STARD13: variants seen among roughly 807,000 people sequenced by gnomAD.
STARD13 encodes the protein stAR-related lipid transfer protein 13.
A neutral mutation model predicts 106.4 loss-of-function variants in STARD13; 62 were observed. The ratio of observed to expected loss-of-function variants is 0.58; its 90% CI spans 0.48 to 0.72. STARD13 has a LOEUF of 0.72. Ranked by LOEUF, STARD13 falls within the 30% of genes least tolerant of loss-of-function variation. The probability of loss-of-function intolerance (pLI) is 0.00; values close to 1 mark genes in which losing one functional copy is unlikely to be tolerated. For synonymous variants in STARD13, 565 were observed against 553.0 expected (o/e 1.02, Z -0.31); for missense variants, 1,387 against 1,424.0 (o/e 0.97, Z 0.42).
chr13:33,297,104 C>A (rs1016974310), intron 1 of STARD13, among the ~76,000 whole-genome samples: 1 of 152,328 alleles, frequency 6.6e-6, no homozygotes, highest in South Asian at 2.1e-4. Context: ...GATACAGAGA[C>A]TCCTGAGATT....
chr13:33,612,455 G>T, the STARD13 span, among the ~76,000 whole-genome samples: 4,171 of 152,060 alleles, frequency 0.027, 184 homozygotes, highest in African/African-American at 0.094. Flanking sequence ...CATCAGACAC[G>T]GTGATCCACA....
At position 33,166,792 on chromosome 13, in the gene STARD13, C is replaced by T. The variant is rs144910894; in HGVS notation, c.241+759G>A. 3.1e-3 allele frequency among the ~76,000 whole-genome samples: 470 copies of T among 152,004 alleles called. 4 individuals carry two copies. The highest frequency in any genetic ancestry group is 0.011 in the African/African-American group (444 of 41,462). On this transcript the variant is annotated intron_variant, in intron 2 of 13. Coordinates refer to ENST00000336934, the MANE Select transcript of STARD13 (RefSeq NM_178006.4). ...GGAAAGTCACTTGAGGTCAGGAGTT[C>T]GAGACCAGCCTGACCCACGTGGTGA...
intron 1 of STARD13, chr13:33,186,043 A>C (rs1243783659): frequency 6.2e-7 from 1 of 1,613,948 alleles, no homozygotes; most frequent in South Asian, 1.1e-5. Flanking sequence ...AGAAATTCAG[A>C]GCAAGGAGCA....
the STARD13 span, among the ~76,000 whole-genome samples, chr13:33,601,922 G>C: frequency 6.6e-6 from 1 of 152,088 alleles, no homozygotes; most frequent in African/African-American, 2.4e-5. Context: ...ACTTTCCCCA[G>C]GTTCCTTTCA....
intron 1 of STARD13, among the ~76,000 whole-genome samples, chr13:33,338,149 G>A (rs1332001485): frequency 6.6e-6 from 1 of 152,158 alleles, no homozygotes; most frequent in Non-Finnish European, 1.5e-5. Context: ...AAGCTTCATG[G>A]GAGTGACACT....
chr13:33,168,081 A>G (rs957617148), intron 1 of STARD13, among the ~76,000 whole-genome samples: 10 of 152,078 alleles, frequency 6.6e-5, no homozygotes, highest in African/African-American at 2.4e-4. Flanking sequence ...TAACTTTAAG[A>G]AAGACTACAA....
At chr13:33,659,950 A>G in the STARD13 span, 1 of 152,212 alleles carries the variant, frequency 6.6e-6, no homozygotes, top group Non-Finnish European at 1.5e-5. Context: ...CTTAAATCAT[A>G]CCTGATATGG....
chr13:33,260,290 C>T (rs904092729), intron 1 of STARD13, among the ~76,000 whole-genome samples: 2 of 152,188 alleles, frequency 1.3e-5, no homozygotes, highest in African/African-American at 2.4e-5. Context: ...AAAACCTTAT[C>T]GTAGCATCTT....
the STARD13 span, among the ~76,000 whole-genome samples, chr13:33,428,744 G>A: frequency 2.2e-4 from 33 of 152,250 alleles, no homozygotes; most frequent in African/African-American, 7.9e-4. Flanking sequence ...GAAAATACTT[G>A]CAAACTATCC....
chr13:33,512,843 CAG>C, the STARD13 span, among the ~76,000 whole-genome samples: 1 of 152,072 alleles, frequency 6.6e-6, no homozygotes, highest in Non-Finnish European at 1.5e-5. Context: ...TAGAAGATAC[CAG>C]AGAGTCCTGG....
intron 1 of STARD13, among the ~76,000 whole-genome samples, chr13:33,228,939 C>G (rs919943918): frequency 6.6e-6 from 1 of 152,080 alleles, no homozygotes. Flanking sequence ...CTCCAAGATA[C>G]CAAATTGCAA....
intron 1 of STARD13, among the ~76,000 whole-genome samples, chr13:33,278,926 A>T (rs1052525472): frequency 1.3e-5 from 2 of 152,154 alleles, no homozygotes; most frequent in Admixed American, 1.3e-4. Flanking sequence ...CCTCTAGGTA[A>T]TGAGGTGGAA....
the STARD13 span, among the ~76,000 whole-genome samples, chr13:33,364,225 G>T: frequency 6.6e-6 from 1 of 152,022 alleles, no homozygotes; most frequent in Non-Finnish European, 1.5e-5. Context: ...TAGCATTTTG[G>T]GAGGCCAAGC....
the STARD13 span, among the ~76,000 whole-genome samples, chr13:33,557,726 T>A: frequency 6.6e-6 from 1 of 152,190 alleles, no homozygotes; most frequent in Non-Finnish European, 1.5e-5. Flanking sequence ...AATGATTTAA[T>A]CCTTTCTCTT....
chr13:33,123,055 C>CAAAAAAA (rs71071079), intron 7 of STARD13, among the ~76,000 whole-genome samples: 4,945 of 45,812 alleles, frequency 0.11, 1,127 homozygotes, highest in East Asian at 0.21. Flanking sequence ...GACTCCATCT[C>CAAAAAAA]AAAAAAAAAA....
chr13:33,538,489 C>A, the STARD13 span, among the ~76,000 whole-genome samples: 161 of 152,260 alleles, frequency 1.1e-3, no homozygotes, highest in African/African-American at 3.7e-3. Flanking sequence ...ATAGACGAGA[C>A]CTAACAAAGT....
At chr13:33,371,365 G>A in the STARD13 span, among the ~76,000 whole-genome samples, 1 of 152,036 alleles carries the variant, frequency 6.6e-6, no homozygotes, top group African/African-American at 2.4e-5. Context: ...ATGCCATTAA[G>A]GATTTCATAC....
the STARD13 span, among the ~76,000 whole-genome samples, chr13:33,481,784 C>G: frequency 1.3e-5 from 2 of 152,060 alleles, no homozygotes; most frequent in East Asian, 3.9e-4. Context: ...TAAGCACTAT[C>G]CTGGCTAACA....
At chr13:33,218,731 G>T (rs2138165894) in intron 1 of STARD13, among the ~76,000 whole-genome samples, 1 of 152,292 alleles carries the variant, frequency 6.6e-6, no homozygotes, top group East Asian at 1.9e-4. Context: ...TATAAATTCA[G>T]ATGGCATTAT....
Sources: gnomAD v4.1 joint callset for allele counts (sites outside exome capture counted in the v4.1 genomes callset) on GRCh38, gnomAD v4.1.1 for gene constraint, MANE v1.5 for transcripts, NCBI Gene and HGNC (gene_info 2026-07-23, HGNC 2026-07-21) for gene names.